PTPRD: variants seen among roughly 807,000 people sequenced by gnomAD.
The protein encoded by PTPRD is receptor-type tyrosine-protein phosphatase delta.
In PTPRD, 34 loss-of-function variants were observed where a neutral mutation model predicts 214.5. That is an observed-to-expected ratio of 0.16 (90% CI 0.12 to 0.21). The LOEUF (loss-of-function observed/expected upper bound fraction) is 0.21. PTPRD is among the 10% of genes least tolerant of loss of function. The pLI is 1.00. For synonymous variants in PTPRD, 1,128 were observed against 845.7 expected, an observed-to-expected ratio of 1.33 and a Z score of -5.79; for missense variants, 2,545 against 2,398.7, an observed-to-expected ratio of 1.06 and a Z score of -1.27.
intron 2 of PTPRD, among the ~76,000 whole-genome samples, chr9:10,575,476 G>A (rs1486191467): frequency 6.6e-6 from 1 of 152,034 alleles, no homozygotes; most frequent in Non-Finnish European, 1.5e-5. Context: ...AAACACCAGT[G>A]TCTTTGTTTA....
At chr9:8,812,583 G>T (rs1476763998) in intron 11 of PTPRD, among the ~76,000 whole-genome samples, 2 of 152,084 alleles carry the variant, frequency 1.3e-5, no homozygotes, top group Non-Finnish European at 2.9e-5. Flanking sequence ...GCAGGGGTTG[G>T]AGAAAATTTG....
chr9:9,255,431 T>G (rs575838212), intron 9 of PTPRD, among the ~76,000 whole-genome samples: 3 of 152,156 alleles, frequency 2.0e-5, no homozygotes, highest in Admixed American at 2.0e-4. Flanking sequence ...CTTTATATAT[T>G]TAAAGGATTA....
intron 8 of PTPRD, among the ~76,000 whole-genome samples, chr9:9,427,592 C>G (rs112413015): frequency 6.6e-6 from 1 of 152,002 alleles, no homozygotes; most frequent in Admixed American, 6.5e-5. Flanking sequence ...AGAAGAGCAA[C>G]TCCAAGACAC....
chr9:10,505,599 A>C (rs2045646252), intron 2 of PTPRD, among the ~76,000 whole-genome samples: 1 of 152,088 alleles, frequency 6.6e-6, no homozygotes, highest in South Asian at 2.1e-4. Flanking sequence ...TCCCTCCTGT[A>C]GTCACCAGGC....
chr9:9,322,608 G>A (rs1457808190), intron 9 of PTPRD, among the ~76,000 whole-genome samples: 2 of 152,162 alleles, frequency 1.3e-5, no homozygotes, highest in African/African-American at 2.4e-5. Flanking sequence ...ACATATGCAT[G>A]TCAGGATCTC....
chr9:10,517,779 A>G (rs1024882530), intron 2 of PTPRD, among the ~76,000 whole-genome samples: 1 of 152,118 alleles, frequency 6.6e-6, no homozygotes, highest in Non-Finnish European at 1.5e-5. Flanking sequence ...TAACACCAGT[A>G]ATCTTTTTAA....
At chr9:8,700,288 G>C (rs1198346498) in intron 12 of PTPRD, among the ~76,000 whole-genome samples, 2 of 152,156 alleles carry the variant, frequency 1.3e-5, no homozygotes, top group African/African-American at 4.8e-5. Flanking sequence ...CTGAACTGTA[G>C]TAAAACCCTC....
At chr9:9,523,862 AC>A (rs2097055184) in intron 8 of PTPRD, among the ~76,000 whole-genome samples, 1 of 151,874 alleles carries the variant, frequency 6.6e-6, no homozygotes. Context: ...CCGGCCCATT[AC>A]CCCGTGTCCT....
chr9:8,714,940 G>A lies in PTPRD; in HGVS notation c.64+18840C>T, dbSNP rs189307982. ...CCCCCTAGAATGCGACCTTAATGGT[G>A]CAAGATTTTTTTTTTTGTCTGTCTT... On this transcript the variant is annotated intron_variant, in intron 12 of 45. Coordinates refer to ENST00000381196, the MANE Select transcript of PTPRD (RefSeq NM_002839.4). Among the ~76,000 whole-genome samples, 274 of 151,724 alleles carry A rather than the reference G, an allele frequency of 1.8e-3. No individual in the cohort carries two copies. The Middle Eastern group carries it at 0.024, about 13-fold the overall frequency.
intron 14 of PTPRD, among the ~76,000 whole-genome samples, chr9:8,538,301 A>G (rs2077440907): frequency 6.6e-6 from 1 of 151,968 alleles, no homozygotes; most frequent in Admixed American, 6.6e-5. Flanking sequence ...ATTTTTAGAA[A>G]ATAATTTTTT....
chr9:9,737,374 G>C (rs2098317699), intron 6 of PTPRD, among the ~76,000 whole-genome samples: 1 of 151,998 alleles, frequency 6.6e-6, no homozygotes, highest in Non-Finnish European at 1.5e-5. Context: ...TTTACATAAT[G>C]TTTACTATTT....
intron 39 of PTPRD, among the ~76,000 whole-genome samples, chr9:8,357,649 T>A (rs1449911543): frequency 6.6e-6 from 1 of 152,178 alleles, no homozygotes; most frequent in Middle Eastern, 3.2e-3. Context: ...GTTTTTTTCT[T>A]AATACTAGGG....
intron 5 of PTPRD, among the ~76,000 whole-genome samples, chr9:9,837,623 T>A (rs1400911193): frequency 2.0e-5 from 3 of 152,116 alleles, no homozygotes; most frequent in Non-Finnish European, 4.4e-5. Context: ...GAAATTAATC[T>A]AGGCACATAT....
chr9:9,454,252 G>C (rs1487822240), intron 8 of PTPRD, among the ~76,000 whole-genome samples: 4 of 151,618 alleles, frequency 2.6e-5, no homozygotes, highest in African/African-American at 9.7e-5. Context: ...CTGATTTGTA[G>C]CTTTTACCCA....
At chr9:9,439,586 C>A (rs2086703026) in intron 8 of PTPRD, among the ~76,000 whole-genome samples, 1 of 152,104 alleles carries the variant, frequency 6.6e-6, no homozygotes. Context: ...GCCCTTTCAG[C>A]CCCCAGATTA....
At chr9:9,221,507 G>C (rs2099955996) in intron 9 of PTPRD, among the ~76,000 whole-genome samples, 1 of 152,066 alleles carries the variant, frequency 6.6e-6, no homozygotes, top group African/African-American at 2.4e-5. Flanking sequence ...CTGAGATCAA[G>C]GTGCTGGCTG....
At chr9:10,566,977 T>C (rs974219144) in intron 2 of PTPRD, among the ~76,000 whole-genome samples, 1 of 152,104 alleles carries the variant, frequency 6.6e-6, no homozygotes, top group Admixed American at 6.6e-5. Context: ...TTAAAATGTT[T>C]TATTTACTCT....
intron 7 of PTPRD, among the ~76,000 whole-genome samples, chr9:9,726,568 C>T (rs924711204): frequency 6.6e-6 from 1 of 152,110 alleles, no homozygotes; most frequent in Non-Finnish European, 1.5e-5. Flanking sequence ...AACAGTTAAA[C>T]TTATTGTGTA....
intron 11 of PTPRD, among the ~76,000 whole-genome samples, chr9:8,813,244 G>A (rs957005670): frequency 6.6e-6 from 1 of 151,952 alleles, no homozygotes; most frequent in African/African-American, 2.4e-5. Flanking sequence ...ACCAGACGAG[G>A]AGGAAGCATT....
Sources: gnomAD v4.1 joint callset for allele counts (sites outside exome capture counted in the v4.1 genomes callset) on GRCh38, gnomAD v4.1.1 for gene constraint, MANE v1.5 for transcripts, NCBI Gene and HGNC (gene_info 2026-07-23, HGNC 2026-07-21) for gene names.